TENM1: variants seen among roughly 807,000 people sequenced by gnomAD.
The protein encoded by TENM1 is teneurin transmembrane protein 1, also known as teneurin-1.
TENM1 carries 35 observed loss-of-function variants against 174.8 expected under a neutral mutation model. The ratio of observed to expected loss-of-function variants is 0.20; its 90% CI spans 0.15 to 0.27. The LOEUF (loss-of-function observed/expected upper bound fraction) is 0.27, where lower values mean the gene tolerates loss of function less well. TENM1 is among the 10% of genes least tolerant of loss of function. TENM1 has a pLI of 1.00. For synonymous variants in TENM1, 781 were observed against 798.7 expected (o/e 0.98, Z 0.37); for missense variants, 1,633 against 2,130.1 (o/e 0.77, Z 4.59).
intron 3 of TENM1, among the ~76,000 whole-genome samples, chrX:124,817,171 G>C (rs2055916623): frequency 9.0e-6 from 1 of 111,128 alleles, no homozygotes; most frequent in African/African-American, 3.3e-5. Context: ...AGTTTGCTGA[G>C]AATCATGGTT....
chrX:124,646,171 G>A (rs1240748091), intron 9 of TENM1, among the ~76,000 whole-genome samples: 1 of 112,172 alleles, frequency 8.9e-6, no homozygotes, highest in Non-Finnish European at 1.9e-5. Flanking sequence ...ATTAAACTAT[G>A]GGCAAGTCCA....
intron 1 of TENM1, among the ~76,000 whole-genome samples, chrX:124,940,111 T>C (rs2058304153): frequency 8.9e-6 from 1 of 111,817 alleles, no homozygotes; most frequent in Non-Finnish European, 1.9e-5. Context: ...TCAGTTCATG[T>C]GTGAACATCT....
rs758226125 is a variant in TENM1, at chrX:124,525,298, G to T, written c.2772-1673C>A. The stretch of plus-strand genomic sequence containing the variant: ...AAAATAATTTAGGTTTGAACCAAAA[G>T]AAAAAAGAAAACACAAACGGTTTAT... On this transcript the variant is annotated intron_variant, in intron 16 of 31. Transcript: ENST00000422452. 4.5e-5 allele frequency among the ~76,000 whole-genome samples: 5 copies of T among 112,150 alleles called. No individual in the cohort carries two copies. In the South Asian group the frequency reaches 1.8e-3, roughly 41 times the overall value.
chrX:124,690,471 C>T, intron 5 of TENM1, among the ~76,000 whole-genome samples: 1 of 101,002 alleles, frequency 9.9e-6, no homozygotes, highest in Non-Finnish European at 2.0e-5. Context: ...GATTTTATAA[C>T]CTGCTTTGTT....
chrX:124,732,428 C>T (rs777476547), intron 4 of TENM1, among the ~76,000 whole-genome samples: 34 of 111,957 alleles, frequency 3.0e-4, no homozygotes, highest in Non-Finnish European at 5.3e-4. Context: ...ATCTAAGGAA[C>T]ATCAAATCTG....
intron 5 of TENM1, among the ~76,000 whole-genome samples, chrX:124,693,684 G>A (rs1042310711): frequency 1.8e-5 from 2 of 110,510 alleles, no homozygotes; most frequent in African/African-American, 6.6e-5. Flanking sequence ...ATCTTCAAAT[G>A]TTTGTTTAAG....
chrX:124,990,173 G>A, the TENM1 span, among the ~76,000 whole-genome samples: 1 of 111,080 alleles, frequency 9.0e-6, no homozygotes, highest in African/African-American at 3.3e-5. Context: ...AGGGTACAAA[G>A]TGAGATTTTT....
At chrX:124,559,308 A>G (rs778161637) in intron 14 of TENM1, among the ~76,000 whole-genome samples, 11 of 111,492 alleles carry the variant, frequency 9.9e-5, no homozygotes, top group African/African-American at 3.6e-4. Flanking sequence ...TTTGCTTACT[A>G]TGTGATTTTT....
the TENM1 span, among the ~76,000 whole-genome samples, chrX:125,121,351 T>C: frequency 2.7e-5 from 3 of 111,785 alleles, no homozygotes; most frequent in Non-Finnish European, 5.6e-5. Context: ...CACATGATTT[T>C]CTCACAAAGG....
chrX:124,597,636 G>T (rs751643589), intron 11 of TENM1, among the ~76,000 whole-genome samples: 1 of 110,469 alleles, frequency 9.1e-6, no homozygotes, highest in South Asian at 3.9e-4. Flanking sequence ...CACCGCTAAA[G>T]AACTTATCCA....
chrX:125,016,628 G>A, the TENM1 span, among the ~76,000 whole-genome samples: 3 of 111,154 alleles, frequency 2.7e-5, no homozygotes, highest in African/African-American at 9.8e-5. Context: ...CTTCAAAATG[G>A]CCATACTGCC....
the TENM1 span, among the ~76,000 whole-genome samples, chrX:125,120,692 C>A: frequency 9.0e-6 from 1 of 111,705 alleles, no homozygotes; most frequent in Non-Finnish European, 1.9e-5. Context: ...GGGTGCTCAA[C>A]AAATTCATAA....
At chrX:125,100,383 C>T in the TENM1 span, among the ~76,000 whole-genome samples, 1 of 111,405 alleles carries the variant, frequency 9.0e-6, no homozygotes, top group African/African-American at 3.3e-5. Context: ...TAGTGTCTAC[C>T]TAAAATGGAC....
chrX:125,044,196 T>TAAAAAAAAAAAAAAAAAAAAAA, the TENM1 span, among the ~76,000 whole-genome samples: 1 of 78,333 alleles, frequency 1.3e-5, no homozygotes, highest in Non-Finnish European at 2.4e-5. Flanking sequence ...AAAAAAAGAT[T>TAAAAAAAAAAAAAAAAAAAAAA]AAAAATAAAA....
At chrX:125,092,858 G>C in the TENM1 span, among the ~76,000 whole-genome samples, 1 of 112,124 alleles carries the variant, frequency 8.9e-6, no homozygotes, top group Non-Finnish European at 1.9e-5. Context: ...CAATCCTGGA[G>C]CTAGTAATAA....
chrX:124,646,031 A>G (rs1231994193), intron 9 of TENM1, among the ~76,000 whole-genome samples: 4 of 112,270 alleles, frequency 3.6e-5, no homozygotes, highest in Non-Finnish European at 7.5e-5. Context: ...GTGTCTGAGA[A>G]ACCTGATATT....
At chrX:124,555,762 T>C (rs2048680014) in intron 14 of TENM1, among the ~76,000 whole-genome samples, 1 of 112,140 alleles carries the variant, frequency 8.9e-6, no homozygotes, top group African/African-American at 3.2e-5. Context: ...AGAGACAAGA[T>C]GATGCTGAAG....
chrX:124,743,713 T>C lies in TENM1; in HGVS notation c.536-6516A>G, dbSNP rs10442519. ...TCTCACTAAGCCAGCAGGTAAGATA[T>C]AGTATGCTGTGTTAATTTCTGTCAG... On this transcript the variant is annotated intron_variant, in intron 3 of 31. Coordinates refer to ENST00000422452, the Ensembl canonical transcript of TENM1. Among the ~76,000 whole-genome samples, 90 of 111,762 alleles carry C rather than the reference T, an allele frequency of 8.1e-4. 2 individuals carry two copies. The highest frequency in any genetic ancestry group is 2.8e-3 in the African/African-American group (85 of 30,787).
At chrX:124,701,622 A>G (rs778432794) in intron 5 of TENM1, among the ~76,000 whole-genome samples, 33 of 112,611 alleles carry the variant, frequency 2.9e-4, no homozygotes, top group Non-Finnish European at 6.0e-4. Flanking sequence ...TTTGATTCAG[A>G]TGGAAAATAT....
Sources: gnomAD v4.1 joint callset for allele counts (sites outside exome capture counted in the v4.1 genomes callset) on GRCh38, gnomAD v4.1.1 for gene constraint, MANE v1.5 for transcripts, NCBI Gene and HGNC (gene_info 2026-07-23, HGNC 2026-07-21) for gene names.